Variants in CAPN3 observed in about 807,000 individuals in gnomAD.
CAPN3 encodes the protein calpain-3.
CAPN3 carries 88 observed loss-of-function variants against 114.0 expected under a neutral mutation model. The observed-to-expected ratio is 0.77, with a 90% CI of 0.65 to 0.92. The LOEUF is 0.92. Among genes scored for constraint, CAPN3 ranks in the 40% least tolerant of loss-of-function variants. The pLI is 0.00. For missense variants in CAPN3, 1,028 were observed against 1,069.0 expected (o/e 0.96, Z 0.53); for synonymous variants, 386 against 382.9 (o/e 1.01, Z -0.09).
chr15:42,379,725 C>T (rs1329620806), intron 1 of CAPN3, among the ~76,000 whole-genome samples: 1 of 152,182 alleles, frequency 6.6e-6, no homozygotes, highest in African/African-American at 2.4e-5. Flanking sequence ...TGTCCTTGTT[C>T]TGAAGTCTGC....
intron 16 of CAPN3, chr15:42,409,093 T>G: frequency 1.7e-6 from 1 of 599,530 alleles, no homozygotes; most frequent in Non-Finnish European, 3.0e-6. Context: ...CTCCTTTGGC[T>G]GGGGGCGTCA....
chr15:42,408,722 G>A (rs1285666694), intron 16 of CAPN3: 1 of 357,312 alleles, frequency 2.8e-6, no homozygotes, highest in East Asian at 7.3e-5. Context: ...TCAGAAATGG[G>A]GTCCTCTAGA....
rs545074879 is a variant in CAPN3 at position 42,395,041 on chromosome 15, G to A, written c.1115+700G>A. Among the ~76,000 whole-genome samples, 12 of 152,284 alleles carry A rather than the reference G, an allele frequency of 7.9e-5. No individual in the cohort carries two copies. In the South Asian group the frequency reaches 1.0e-3, roughly 13 times the overall value. On this transcript the variant is annotated intron_variant, in intron 8 of 23. Coordinates refer to ENST00000397163, the MANE Select transcript of CAPN3 (RefSeq NM_000070.3). ...CAGGACTCAGTAGAGGAGAAGGACC[G>A]CACCCAGGCAGCCTGGGCCCCTCGG...
chr15:42,361,401 G>T (rs2052639786), intron 1 of CAPN3, among the ~76,000 whole-genome samples: 1 of 152,180 alleles, frequency 6.6e-6, no homozygotes, highest in Admixed American at 6.5e-5. Flanking sequence ...AACTCGGGGA[G>T]TTGAGGCAGC....
intron 16 of CAPN3, chr15:42,408,687 T>C (rs1398156642): frequency 1.7e-5 from 6 of 362,448 alleles, no homozygotes; most frequent in South Asian, 4.3e-5. Context: ...GGATAAAGGA[T>C]AGGAGCAGAA....
intron 1 of CAPN3, among the ~76,000 whole-genome samples, chr15:42,373,843 A>G (rs959436965): frequency 2.0e-5 from 3 of 152,168 alleles, no homozygotes; most frequent in Non-Finnish European, 2.9e-5. Flanking sequence ...GATTCCTCCT[A>G]TGCATTCAGT....
Position 42,394,245 on chromosome 15 carries a change from G to A in CAPN3, c.1030-11G>A. 1.9e-6 allele frequency: 3 copies of A among 1,553,776 alleles called. No homozygotes were observed. ...GCTGCAGAGCATGAGAGCTCTTTCT[G>A]TGTGCTTAAGGTCCCGTTCAAAGGT... On this transcript the variant is annotated splice_polypyrimidine_tract_variant and intron_variant, in intron 7 of 23. Coordinates refer to ENST00000397163, the MANE Select transcript of CAPN3 (RefSeq NM_000070.3).
rs766821209 is a variant in CAPN3, at chr15:42,388,997, G to A, written c.702G>A (p.Gly234=). ...TTEAMEDFTG[G]VAEFFEIRDA... is the part of the protein sequence containing the mutation. The stretch of plus-strand genomic sequence containing the variant: ...AGGCCATGGAGGACTTCACAGGAGG[G>A]GTGGCAGAGTTTTTTGAGATCAGGG... Residue 234 remains glycine, a synonymous_variant, in exon 5 of 24, where the codon GGG becomes GGA. Transcript: ENST00000397163. The A allele has an allele frequency of 5.0e-6, 8 of 1,613,958 alleles. No individual in the cohort carries two copies. Among genetic ancestry groups the A allele is most frequent in the Non-Finnish European group, 6.8e-6 (8 of 1,180,006 alleles).
intron 17 of CAPN3, 40 bp from the exon 18 acceptor site, chr15:42,409,747 G>A: frequency 1.3e-6 from 2 of 1,568,158 alleles, no homozygotes; most frequent in South Asian, 1.1e-5. Context: ...AGGAGCTGCT[G>A]TACTCCTGAA....
chr15:42,386,395 A>T (rs1242157056), intron 3 of CAPN3, 110 bp downstream of exon 3: 7 of 816,374 alleles, frequency 8.6e-6, no homozygotes, highest in Non-Finnish European at 1.3e-5. Context: ...ATCTACCCGC[A>T]GCGGCAACAG....
At chr15:42,404,653 T>C (rs2053969144) in intron 14 of CAPN3, 1 of 1,183,770 alleles carries the variant, frequency 8.4e-7, no homozygotes, top group Non-Finnish European at 1.1e-6. Context: ...TTGAGGAGTC[T>C]TGTGACTGCC....
At chr15:42,410,089 T>C in intron 19 of CAPN3, 94 bp downstream of exon 19, 1 of 1,167,324 alleles carries the variant, frequency 8.6e-7, no homozygotes, top group Non-Finnish European at 1.3e-6. Flanking sequence ...AGGGCCCTAA[T>C]TTGTGCCCAG....
At chr15:42,392,089 C>T (rs531328807) in intron 6 of CAPN3, among the ~76,000 whole-genome samples, 5 of 152,164 alleles carry the variant, frequency 3.3e-5, no homozygotes, top group Admixed American at 1.3e-4. Context: ...CGCTGGAACA[C>T]GGGAGGCAGA....
chr15:42,400,401 G>C (rs1488863171), intron 10 of CAPN3, among the ~76,000 whole-genome samples: 1 of 152,146 alleles, frequency 6.6e-6, no homozygotes, highest in Non-Finnish European at 1.5e-5. Context: ...ATGATGTCAA[G>C]ATTCCCAGTT....
intron 9 of CAPN3, among the ~76,000 whole-genome samples, chr15:42,398,850 T>C (rs1474301872): frequency 1.5e-5 from 2 of 133,526 alleles, no homozygotes; most frequent in Non-Finnish European, 3.1e-5. Flanking sequence ...AATGGCGCAA[T>C]ATCGGCTCAC....
At chr15:42,371,669 G>C (rs1355636781) in intron 1 of CAPN3, among the ~76,000 whole-genome samples, 7 of 152,008 alleles carry the variant, frequency 4.6e-5, no homozygotes, top group Non-Finnish European at 1.0e-4. Context: ...ACTCTCTCAA[G>C]AATACTTTTT....
At chr15:42,364,965 C>T (rs1264313360) in intron 1 of CAPN3, among the ~76,000 whole-genome samples, 2 of 152,174 alleles carry the variant, frequency 1.3e-5, no homozygotes, top group Non-Finnish European at 2.9e-5. Flanking sequence ...GTATCTGGTC[C>T]TCTCCTCACC....
At chr15:42,405,702 C>T (rs2053999411) in intron 14 of CAPN3, among the ~76,000 whole-genome samples, 1 of 152,050 alleles carries the variant, frequency 6.6e-6, no homozygotes, top group Admixed American at 6.5e-5. Context: ...ATTATAAAAA[C>T]AAAGTCAGAG....
chr15:42,363,822 T>C (rs528117254), intron 1 of CAPN3, among the ~76,000 whole-genome samples: 1 of 152,348 alleles, frequency 6.6e-6, no homozygotes, highest in East Asian at 1.9e-4. Context: ...AGGAGGGAAC[T>C]GAGTCTCAGA....
Sources: gnomAD v4.1 joint callset for allele counts (sites outside exome capture counted in the v4.1 genomes callset) on GRCh38, gnomAD v4.1.1 for gene constraint, MANE v1.5 for transcripts, NCBI Gene and HGNC (gene_info 2026-07-23, HGNC 2026-07-21) for gene names.